The following EFHC2 variants were observed in gnomAD, a reference collection of about 807,000 sequenced individuals.
EFHC2 encodes EF-hand domain containing 2.
Under a neutral mutation model 52.7 loss-of-function variants are expected in EFHC2, and 18 were observed. That is an observed-to-expected ratio of 0.34 (90% CI 0.24 to 0.51). The LOEUF (loss-of-function observed/expected upper bound fraction) is 0.51. Among genes scored for constraint, EFHC2 ranks in the 20% least tolerant of loss-of-function variants. EFHC2 has a pLI of 0.97. For missense variants in EFHC2, 513 were observed against 562.5 expected, an observed-to-expected ratio of 0.91 and a Z score of 0.89; for synonymous variants, 203 against 204.1, an observed-to-expected ratio of 0.99 and a Z score of 0.04.
chrX:44,235,701 C>CAA (rs896726417), intron 8 of EFHC2, among the ~76,000 whole-genome samples: 27 of 112,548 alleles, frequency 2.4e-4, no homozygotes, highest in African/African-American at 7.7e-4. Context: ...AAACAAACGT[C>CAA]ATAAACACAC....
chrX:44,209,019 CTGTGTGTGTGTGTG>C (rs753101565), intron 11 of EFHC2, among the ~76,000 whole-genome samples: 1,107 of 69,946 alleles, frequency 0.016, 28 homozygotes, highest in African/African-American at 0.036. Flanking sequence ...GATTGGCAAT[CTGTGTGTGTGTGTG>C]TGTGTGTGTG....
At chrX:44,271,449 G>T (rs1401323226) in intron 3 of EFHC2, among the ~76,000 whole-genome samples, 2 of 111,272 alleles carry the variant, frequency 1.8e-5, no homozygotes, top group African/African-American at 6.6e-5. Context: ...TGTAGTTAGA[G>T]AAGACAATTT....
chrX:44,273,153 T>C (rs1293948661), intron 2 of EFHC2, among the ~76,000 whole-genome samples: 4 of 112,859 alleles, frequency 3.5e-5, no homozygotes, highest in African/African-American at 1.3e-4. Context: ...TCTAAATGTA[T>C]ATGTTATAGA....
intron 2 of EFHC2, among the ~76,000 whole-genome samples, chrX:44,282,644 GGGTGGGGGGGTGGGAGAGGA>G (rs2037713626): frequency 1.0e-4 from 2 of 19,198 alleles, no homozygotes; most frequent in African/African-American, 4.1e-4. Context: ...GGGTGGGGGG[GGGTGGGGGGGTGGGAGAGGA>G]GGACAAAGAA....
chrX:44,252,819 T>C (rs2037461864), intron 4 of EFHC2, among the ~76,000 whole-genome samples: 1 of 112,079 alleles, frequency 8.9e-6, no homozygotes, highest in Admixed American at 9.4e-5. Flanking sequence ...GCACAAAAGA[T>C]CTTTTTCTGG....
intron 14 of EFHC2, among the ~76,000 whole-genome samples, chrX:44,158,309 T>C (rs1438667588): frequency 9.0e-6 from 1 of 111,510 alleles, no homozygotes; most frequent in African/African-American, 3.3e-5. Flanking sequence ...CTGATGACAA[T>C]ATGCAGCCCA....
intron 14 of EFHC2, among the ~76,000 whole-genome samples, chrX:44,150,336 A>G (rs1201633633): frequency 9.0e-6 from 1 of 111,731 alleles, no homozygotes; most frequent in Non-Finnish European, 1.9e-5. Context: ...TTCCAGGCAT[A>G]GGGACCAGCG....
intron 1 of EFHC2, among the ~76,000 whole-genome samples, chrX:44,322,748 G>T (rs2038029208): frequency 8.9e-6 from 1 of 112,239 alleles, no homozygotes; most frequent in Non-Finnish European, 1.9e-5. Context: ...GAAGGACTTG[G>T]TATTGGCTTT....
chrX:44,294,515 G>T (rs144584752), intron 2 of EFHC2, among the ~76,000 whole-genome samples: 4 of 110,936 alleles, frequency 3.6e-5, no homozygotes, highest in African/African-American at 1.3e-4. Context: ...ATTTTAATGG[G>T]ATTTTAATGA....
chrX:44,310,449 G>T, intron 2 of EFHC2: 5 of 845,163 alleles, frequency 5.9e-6, no homozygotes, highest in Non-Finnish European at 6.5e-6. Flanking sequence ...TCCGTAATGT[G>T]CAGCAGCGGG....
intron 11 of EFHC2, among the ~76,000 whole-genome samples, chrX:44,197,948 AAAG>A (rs1422747883): frequency 1.4e-4 from 16 of 112,397 alleles, no homozygotes; most frequent in African/African-American, 5.2e-4. Flanking sequence ...CAATCTAATT[AAAG>A]AAGAAATCAT....
intron 11 of EFHC2, among the ~76,000 whole-genome samples, chrX:44,213,142 G>C (rs1335489770): frequency 9.2e-6 from 1 of 108,756 alleles, no homozygotes; most frequent in Non-Finnish European, 1.9e-5. Flanking sequence ...AGATATGGCA[G>C]AGAAGTTGGA....
intron 3 of EFHC2, among the ~76,000 whole-genome samples, chrX:44,269,200 C>T (rs2037599607): frequency 1.8e-5 from 2 of 110,771 alleles, no homozygotes; most frequent in African/African-American, 6.6e-5. Flanking sequence ...GACTTTTTTC[C>T]TGAAAACACA....
At chrX:44,174,311 G>A (rs2036767648) in intron 13 of EFHC2, among the ~76,000 whole-genome samples, 1 of 111,369 alleles carries the variant, frequency 9.0e-6, no homozygotes, top group Admixed American at 9.6e-5. Context: ...TTTAAGAGAT[G>A]GGAGTGGAGG....
intron 1 of EFHC2, among the ~76,000 whole-genome samples, chrX:44,339,105 C>T (rs750545653): frequency 9.1e-6 from 1 of 109,591 alleles, no homozygotes; most frequent in Non-Finnish European, 1.9e-5. Context: ...GCAGGAGAAT[C>T]GATTGAACCT....
chrX:44,272,462 G>A (rs1018121458), intron 3 of EFHC2, among the ~76,000 whole-genome samples: 7 of 112,000 alleles, frequency 6.3e-5, no homozygotes, highest in Non-Finnish European at 1.9e-5. Flanking sequence ...ATACAAGTAT[G>A]CCACGGAGGA....
At chrX:44,262,093 G>A (rs963194617) in intron 3 of EFHC2, among the ~76,000 whole-genome samples, 4 of 111,083 alleles carry the variant, frequency 3.6e-5, no homozygotes, top group African/African-American at 1.3e-4. Flanking sequence ...ATATCCAAAA[G>A]AGTGGTCAGC....
chrX:44,270,387 C>G (rs1191446410), intron 3 of EFHC2, among the ~76,000 whole-genome samples: 1 of 111,564 alleles, frequency 9.0e-6, no homozygotes, highest in African/African-American at 3.3e-5. Context: ...CAAATCCCTG[C>G]TTCTCCCCCT....
chrX:44,301,953 T>A (rs1297230327), intron 2 of EFHC2, among the ~76,000 whole-genome samples: 1 of 112,328 alleles, frequency 8.9e-6, no homozygotes, highest in Non-Finnish European at 1.9e-5. Context: ...GTTTTTTGGC[T>A]ACTACGAATA....
Sources: gnomAD v4.1 joint callset for allele counts (sites outside exome capture counted in the v4.1 genomes callset) on GRCh38, gnomAD v4.1.1 for gene constraint, MANE v1.5 for transcripts, NCBI Gene and HGNC (gene_info 2026-07-23, HGNC 2026-07-21) for gene names.